Variants in SLC6A13 observed in about 807,000 individuals in gnomAD.
The protein encoded by SLC6A13 is sodium- and chloride-dependent GABA transporter 2.
Under a neutral mutation model 72.9 loss-of-function variants are expected in SLC6A13, and 69 were observed. The observed-to-expected ratio is 0.95, with a 90% confidence interval of 0.78 to 1.16. The LOEUF (loss-of-function observed/expected upper bound fraction) is 1.16, where lower values mean the gene tolerates loss of function less well. SLC6A13 is among the 50% of genes most tolerant of loss of function. SLC6A13 has a pLI of 0.00. For synonymous variants in SLC6A13, 303 were observed against 303.0 expected (o/e 1.00, Z 0.00); for missense variants, 735 against 760.5 (o/e 0.97, Z 0.39).
chr12:256,931 A>G (rs998019317), intron 2 of SLC6A13, among the ~76,000 whole-genome samples: 5 of 152,188 alleles, frequency 3.3e-5, no homozygotes, highest in African/African-American at 1.2e-4. Context: ...CCAAGGCCCC[A>G]GTCTGAGAAT....
intron 12 of SLC6A13, 37 bp from the exon 13 acceptor site, chr12:222,669 T>A (rs1167297785): frequency 7.1e-7 from 1 of 1,409,488 alleles, no homozygotes; most frequent in Non-Finnish European, 9.9e-7. Context: ...GAGGAGAAAG[T>A]CATTCTTTGG....
At chr12:222,408 T>C in intron 13 of SLC6A13, 124 bp downstream of exon 13, 1 of 585,016 alleles carries the variant, frequency 1.7e-6, no homozygotes, top group South Asian at 2.3e-5. Context: ...GGAGGATGAG[T>C]GAAAATCTAA....
At chr12:245,231 T>C (rs1942306475) in intron 2 of SLC6A13, among the ~76,000 whole-genome samples, 1 of 152,210 alleles carries the variant, frequency 6.6e-6, no homozygotes, top group African/African-American at 2.4e-5. Flanking sequence ...CACCAGGCAT[T>C]AGGCAGAGTA....
intron 2 of SLC6A13, among the ~76,000 whole-genome samples, chr12:250,719 T>C (rs1048146331): frequency 6.6e-6 from 1 of 150,622 alleles, no homozygotes; most frequent in African/African-American, 2.4e-5. Context: ...TCTTTCCAAA[T>C]TGATCTATAG....
chr12:259,079 T>C (rs368945602), intron 2 of SLC6A13: 13 of 142,100 alleles, frequency 9.1e-5, no homozygotes, highest in African/African-American at 5.2e-5. Context: ...AGAGCTACTA[T>C]TTATTACTTA....
chr12:259,712 T>A, intron 2 of SLC6A13, 139 bp downstream of exon 2: 1 of 1,569,154 alleles, frequency 6.4e-7, no homozygotes, highest in South Asian at 1.2e-5. Context: ...TTACAGAGTG[T>A]CCTTAATGAC....
chr12:229,267 AGT>A (rs1009768511), intron 7 of SLC6A13, among the ~76,000 whole-genome samples: 1 of 152,228 alleles, frequency 6.6e-6, no homozygotes, highest in African/African-American at 2.4e-5. Context: ...TGCAAACTGC[AGT>A]GTCTCACTTC....
At chr12:250,533 T>C (rs1942497180) in intron 2 of SLC6A13, among the ~76,000 whole-genome samples, 1 of 152,030 alleles carries the variant, frequency 6.6e-6, no homozygotes, top group South Asian at 2.1e-4. Flanking sequence ...AATAATACCA[T>C]TTACAATAGC....
chr12:259,776 G>A (rs183822216), intron 2 of SLC6A13, 75 bp downstream of exon 2: 8 of 1,614,126 alleles, frequency 5.0e-6, no homozygotes, highest in Non-Finnish European at 3.4e-6. Context: ...ACTCCCCAGA[G>A]GGGCCGTAAG....
chr12:246,172 G>A (rs1011820028), intron 2 of SLC6A13, among the ~76,000 whole-genome samples: 3 of 98,774 alleles, frequency 3.0e-5, no homozygotes, highest in Non-Finnish European at 6.9e-5. Context: ...ACAAAAATTA[G>A]CTGGGCATGG....
intron 2 of SLC6A13, among the ~76,000 whole-genome samples, chr12:248,674 C>T (rs979824300): frequency 6.6e-6 from 1 of 152,036 alleles, no homozygotes; most frequent in African/African-American, 2.4e-5. Flanking sequence ...AAACTAATTC[C>T]TGATAAATGT....
rs1942679178 is a variant in SLC6A13, at chr12:254,711, C to T, written c.202+5140G>A. Among the ~76,000 whole-genome samples the T allele has an allele frequency of 6.6e-6, 1 of 152,200 alleles. No individual in the cohort carries two copies. On this transcript the variant is annotated intron_variant, in intron 2 of 14. Transcript: ENST00000343164. The surrounding 1 kb of genome is among the most constrained non-coding windows in gnomAD (Gnocchi z 4.4). ...TATACCATCAAAATGCTAATGATCC[C>T]CAAATACACACCTCCAGCCAGATCT...
At chr12:252,804 C>T (rs1488187030) in intron 2 of SLC6A13, among the ~76,000 whole-genome samples, 1 of 152,244 alleles carries the variant, frequency 6.6e-6, no homozygotes, top group Non-Finnish European at 1.5e-5. Context: ...TCTCTATAAA[C>T]CAAGCCAATG....
intron 2 of SLC6A13, among the ~76,000 whole-genome samples, chr12:255,429 C>A (rs916789392): frequency 2.0e-5 from 3 of 152,204 alleles, no homozygotes; most frequent in Non-Finnish European, 2.9e-5. Context: ...GGCGCAGTGG[C>A]TCATGCCTGT....
intron 2 of SLC6A13, among the ~76,000 whole-genome samples, chr12:251,308 C>T (rs183124544): frequency 2.9e-4 from 44 of 152,184 alleles, no homozygotes; most frequent in Middle Eastern, 3.4e-3. Context: ...AATTCATCAA[C>T]AGACCCACAT....
intron 9 of SLC6A13, among the ~76,000 whole-genome samples, chr12:225,110 G>A (rs1021342433): frequency 2.0e-4 from 30 of 152,214 alleles, no homozygotes; most frequent in East Asian, 7.7e-4. Flanking sequence ...CTCGCGGCGC[G>A]TGAATGTTTC....
chr12:260,359 G>A (rs971316657), intron 1 of SLC6A13, among the ~76,000 whole-genome samples: 25 of 152,186 alleles, frequency 1.6e-4, no homozygotes, highest in Admixed American at 2.6e-4. Flanking sequence ...TTCATGGGCC[G>A]CTGTGCTGTC....
At chr12:233,026 G>T (rs1015007807) in intron 7 of SLC6A13, among the ~76,000 whole-genome samples, 12 of 152,226 alleles carry the variant, frequency 7.9e-5, no homozygotes, top group Non-Finnish European at 1.8e-4. Context: ...ATATGCTGGT[G>T]CCCGACTATT....
intron 2 of SLC6A13, among the ~76,000 whole-genome samples, chr12:251,167 A>G (rs1475946666): frequency 4.7e-5 from 7 of 148,766 alleles, no homozygotes; most frequent in Non-Finnish European, 8.9e-5. Flanking sequence ...AAAAAAAACA[A>G]AAAAAAAAAA....
Sources: gnomAD v4.1 joint callset for allele counts (sites outside exome capture counted in the v4.1 genomes callset) on GRCh38, gnomAD v4.1.1 for gene constraint, Gnocchi (gnomAD v3.1) non-coding constraint, MANE v1.5 for transcripts, NCBI Gene and HGNC (gene_info 2026-07-23, HGNC 2026-07-21) for gene names.